The following VPS41 variants were observed in gnomAD, a reference collection of about 807,000 sequenced individuals.
VPS41 encodes vacuolar protein sorting-associated protein 41 homolog.
Under a neutral mutation model 130.9 loss-of-function variants are expected in VPS41, and 85 were observed. The ratio of observed to expected loss-of-function variants is 0.65; its 90% CI spans 0.55 to 0.78. The LOEUF is 0.78. Among genes scored for constraint, VPS41 ranks in the 30% least tolerant of loss-of-function variants. The pLI is 0.00. For synonymous variants in VPS41, 335 were observed against 332.9 expected, an observed-to-expected ratio of 1.01 and a Z score of -0.07; for missense variants, 874 against 1,018.7, an observed-to-expected ratio of 0.86 and a Z score of 1.93.
At chr7:38,817,266 T>C (rs980033142) in intron 7 of VPS41, among the ~76,000 whole-genome samples, 23 of 152,314 alleles carry the variant, frequency 1.5e-4, no homozygotes, top group African/African-American at 5.5e-4. Flanking sequence ...AAGCTCTAGA[T>C]GTAACAGCTC....
Position 38,890,283 on chromosome 7 carries a change from A to T in VPS41, c.60+7808T>A, listed in dbSNP as rs180813884. On this transcript the variant is annotated intron_variant, in intron 2 of 28. Coordinates refer to ENST00000310301, the MANE Select transcript of VPS41 (RefSeq NM_014396.4). Reference sequence around the variant, plus strand: ...AGAGCACCAAAAAAAGCCCATTTCCAAAGGTTACGCTCTATATGGTTCTAT... The same window carrying T: ...AGAGCACCAAAAAAAGCCCATTTCCTAAGGTTACGCTCTATATGGTTCTAT... Among the ~76,000 whole-genome samples, 160 of 152,340 alleles carry T rather than the reference A, an allele frequency of 1.1e-3. 1 individual carries two copies. The highest frequency in any genetic ancestry group is 3.2e-3 in the Admixed American group (49 of 15,304).
chr7:38,892,780 CT>C (rs1786894549), intron 2 of VPS41, among the ~76,000 whole-genome samples: 1 of 152,108 alleles, frequency 6.6e-6, no homozygotes, highest in Non-Finnish European at 1.5e-5. Flanking sequence ...ATTAGAACAT[CT>C]TTTTCCTCTC....
chr7:38,765,890 T>C (rs1294116081), intron 15 of VPS41: 1 of 397,930 alleles, frequency 2.5e-6, no homozygotes, highest in African/African-American at 2.1e-5. Context: ...AAAATGCTTA[T>C]AAATAAAGAT....
chr7:38,883,207 G>A (rs981390561), intron 2 of VPS41, among the ~76,000 whole-genome samples: 6 of 152,116 alleles, frequency 3.9e-5, no homozygotes, highest in South Asian at 2.1e-4. Flanking sequence ...CGGCCGCTGC[G>A]CTCCAGCCTG....
intron 24 of VPS41, among the ~76,000 whole-genome samples, chr7:38,742,408 T>C (rs911356589): frequency 2.0e-5 from 3 of 152,124 alleles, no homozygotes; most frequent in Admixed American, 1.3e-4. Context: ...GTTTTTAGCA[T>C]CAAATGGGTG....
Position 38,879,718 on chromosome 7 carries a change from T to C in VPS41, c.61-10465A>G, listed in dbSNP as rs1786561919. Among the ~76,000 whole-genome samples, 3 of 152,240 alleles carry C rather than the reference T, an allele frequency of 2.0e-5. No individual in the cohort carries two copies. In the South Asian group the frequency reaches 6.2e-4, roughly 32 times the overall value. ...CATGCACAGATCACAGTAGGGTTCA[T>C]GCTTGTATGAGAATCTAATGCTGTG... On this transcript the variant is annotated intron_variant, in intron 2 of 28. Transcript: ENST00000310301.
chr7:38,743,349 T>C (rs982587140), intron 24 of VPS41, 53 bp downstream of exon 24: 6 of 1,604,650 alleles, frequency 3.7e-6, no homozygotes, highest in East Asian at 4.5e-5. Flanking sequence ...TAGACATAAC[T>C]GGTTACACTG....
At chr7:38,770,141 T>C (rs1449013951) in intron 14 of VPS41, among the ~76,000 whole-genome samples, 3 of 152,008 alleles carry the variant, frequency 2.0e-5, no homozygotes, top group Non-Finnish European at 4.4e-5. Context: ...TGGTGGCGCA[T>C]GCCTGTAGTC....
intron 10 of VPS41, among the ~76,000 whole-genome samples, chr7:38,787,593 T>C (rs756128402): frequency 2.0e-5 from 3 of 152,196 alleles, no homozygotes; most frequent in Admixed American, 6.5e-5. Flanking sequence ...TTTCGTGCTA[T>C]TTTTGAGAGT....
chr7:38,870,739 CAAAAAAAA>C (rs70977434), intron 2 of VPS41, among the ~76,000 whole-genome samples: 1,919 of 29,640 alleles, frequency 0.065, 10 homozygotes, highest in South Asian at 0.11. Context: ...ACTATATGTT[CAAAAAAAA>C]AAAAAAAAAA....
At chr7:38,843,693 C>T (rs200842290) in intron 4 of VPS41, among the ~76,000 whole-genome samples, 1 of 138,430 alleles carries the variant, frequency 7.2e-6, no homozygotes, top group Non-Finnish European at 1.6e-5. Flanking sequence ...AAAAAAAAAA[C>T]AAAAAAAAAA....
intron 15 of VPS41, among the ~76,000 whole-genome samples, chr7:38,766,503 T>C (rs1039908408): frequency 3.9e-5 from 6 of 152,146 alleles, no homozygotes; most frequent in African/African-American, 1.4e-4. Context: ...GTCTCCCTCC[T>C]GAGGAAAGGG....
At chr7:38,796,298 CT>C (rs753737597) in intron 8 of VPS41, 15 of 335,280 alleles carry the variant, frequency 4.5e-5, no homozygotes, top group Non-Finnish European at 8.1e-5. Context: ...AAATGCAGCA[CT>C]GAAAATTACG....
At chr7:38,899,239 A>G (rs1250861986) in intron 1 of VPS41, among the ~76,000 whole-genome samples, 1 of 152,198 alleles carries the variant, frequency 6.6e-6, no homozygotes, top group Non-Finnish European at 1.5e-5. Flanking sequence ...GAATTTTATT[A>G]TACTTGTATC....
At chr7:38,750,468 C>T (rs1783647567) in intron 22 of VPS41, among the ~76,000 whole-genome samples, 1 of 152,152 alleles carries the variant, frequency 6.6e-6, no homozygotes, top group Non-Finnish European at 1.5e-5. Flanking sequence ...TTCAGTGGGA[C>T]ACGAGATAAA....
rs145702258 is a variant in VPS41 at position 38,729,810 on chromosome 7, A to C, written c.2260-1019T>G. On this transcript the variant is annotated intron_variant, in intron 25 of 28. Transcript: ENST00000310301. ...AGGCGACACTTTACCTTTCATGTCC[A>C]TTCTGTGGGGCACAGTGTGAGCTCC... 1.1e-3 allele frequency among the ~76,000 whole-genome samples: 165 copies of C among 152,288 alleles called. 1 individual carries two copies. The highest frequency in any genetic ancestry group is 3.8e-3 in the African/African-American group (159 of 41,560).
chr7:38,815,650 C>T (rs1470450237), intron 7 of VPS41, among the ~76,000 whole-genome samples: 1 of 152,122 alleles, frequency 6.6e-6, no homozygotes, highest in African/African-American at 2.4e-5. Context: ...GGCAGACCCA[C>T]CCTCAATCTG....
At chr7:38,781,376 C>A (rs1034051481) in intron 10 of VPS41, among the ~76,000 whole-genome samples, 2 of 152,130 alleles carry the variant, frequency 1.3e-5, no homozygotes, top group South Asian at 4.2e-4. Flanking sequence ...TCTAGATGCC[C>A]AAGTTTTTCG....
chr7:38,862,365 T>C (rs1584433484), intron 4 of VPS41, among the ~76,000 whole-genome samples, 180 bp downstream of exon 4: 1 of 152,240 alleles, frequency 6.6e-6, no homozygotes, highest in South Asian at 2.1e-4. Flanking sequence ...CCTTTCTTTA[T>C]AAGTTCACCT....
Sources: allele counts gnomAD v4.1 joint callset (sites outside exome capture counted in the v4.1 genomes callset), GRCh38; gene constraint gnomAD v4.1.1; transcripts MANE v1.5; gene names NCBI Gene and HGNC (gene_info 2026-07-23, HGNC 2026-07-21).